PCCB: variants seen among roughly 807,000 people sequenced by gnomAD.
The protein encoded by PCCB is propionyl-CoA carboxylase subunit beta.
In PCCB, 43 loss-of-function variants were observed where a neutral mutation model predicts 60.7. That is an observed-to-expected ratio of 0.71 (90% CI 0.55 to 0.91). The LOEUF (loss-of-function observed/expected upper bound fraction) is 0.91. Ranked by LOEUF, PCCB falls within the 40% of genes least tolerant of loss-of-function variation. The probability of loss-of-function intolerance (pLI) is 0.00; values close to 1 mark genes in which losing one functional copy is unlikely to be tolerated. For missense variants in PCCB, 766 were observed against 702.8 expected (o/e 1.09, Z -1.02); for synonymous variants, 276 against 255.9 (o/e 1.08, Z -0.75).
At chr3:136,326,442 C>G (rs1935313379) in intron 10 of PCCB, 1 of 701,110 alleles carries the variant, frequency 1.4e-6, no homozygotes, top group African/African-American at 1.7e-5. Flanking sequence ...TTGCCATCAT[C>G]AGTGGAGCCA....
intron 5 of PCCB, among the ~76,000 whole-genome samples, chr3:136,264,604 T>G (rs1204396501): frequency 6.6e-6 from 1 of 151,942 alleles, no homozygotes; most frequent in African/African-American, 2.4e-5. Flanking sequence ...CCAGGTGTGG[T>G]GGCTCACACC....
chr3:136,293,963 G>A, intron 7 of PCCB, 99 bp downstream of exon 7: 1 of 757,056 alleles, frequency 1.3e-6, no homozygotes, highest in Non-Finnish European at 2.4e-6. Flanking sequence ...TACTTAATTG[G>A]CAGACCTTAT....
At position 136,261,933 on chromosome 3, in the gene PCCB, G is replaced by T. The variant is rs1941838926; in HGVS notation, c.430-19G>T. 1 of 1,459,194 alleles carries T rather than the reference G, an allele frequency of 6.9e-7. No individual in the cohort carries two copies. The highest frequency in any genetic ancestry group is 1.2e-5 in the South Asian group (1 of 82,276). 90.4% of individuals were successfully genotyped at this position (1,459,194 alleles called of 1,614,324 possible). ...ATCAAGAACATTTGTCTCAATAAAA[G>T]ATTTCTCTGCTGTCTCAGATCATGG... On this transcript the variant is annotated intron_variant, in intron 4 of 14. Transcript: ENST00000251654.
Position 136,264,011 on chromosome 3 carries a change from CAA to C in PCCB, c.543+1961_543+1962del, listed in dbSNP as rs3884120. ...TGGGTGACAGAGCAAGACTCTGTCT[CAA>C]AAAAAAAAAAAAAATTCAAACTTCA... On this transcript the variant is annotated intron_variant, in intron 5 of 14. Coordinates refer to ENST00000251654, the MANE Select transcript of PCCB (RefSeq NM_000532.5). Among the ~76,000 whole-genome samples the C allele has an allele frequency of 3.5e-3, 374 of 107,464 alleles. 3 individuals are homozygous for C. Among genetic ancestry groups the C allele is most frequent in the African/African-American group, 0.01 (347 of 33,630 alleles). 70.5% of individuals were successfully genotyped at this position (107,464 alleles called of 152,430 possible).
At chr3:136,317,212 ATTTTTTTTTTT>A (rs397694948) in intron 10 of PCCB, 148 bp downstream of exon 10, 135 of 259,530 alleles carry the variant, frequency 5.2e-4, no homozygotes, top group East Asian at 1.3e-3. Flanking sequence ...ATAAAAGCTA[ATTTTTTTTTTT>A]TTTTTTTTTT....
intron 5 of PCCB, among the ~76,000 whole-genome samples, chr3:136,268,099 T>TATATATATAG (rs1942074397): frequency 8.8e-6 from 1 of 113,660 alleles, no homozygotes; most frequent in African/African-American, 3.7e-5. Context: ...TATATATATA[T>TATATATATAG]ATATATATAT....
chr3:136,262,201 C>T (rs946209279), intron 5 of PCCB, 136 bp downstream of exon 5: 1 of 699,334 alleles, frequency 1.4e-6, no homozygotes, highest in Non-Finnish European at 2.6e-6. Context: ...TTCTGTGTCA[C>T]TGGGGGTGGG....
At chr3:136,261,923 C>G in intron 4 of PCCB, 29 bp from the exon 5 acceptor site, 1 of 1,388,794 alleles carries the variant, frequency 7.2e-7, no homozygotes, top group Non-Finnish European at 1.0e-6. Flanking sequence ...GAACATTTGT[C>G]TCAATAAAAG....
intron 1 of PCCB, among the ~76,000 whole-genome samples, chr3:136,254,037 G>A (rs1486381527): frequency 6.6e-6 from 1 of 151,984 alleles, no homozygotes; most frequent in Non-Finnish European, 1.5e-5. Context: ...GTATAGGATT[G>A]CCTGATTTTT....
rs369008952 is a variant in PCCB, at chr3:136,251,232, G to A, written c.183+674G>A. The A allele has an allele frequency of 5.5e-5, 25 of 456,692 alleles. No individual in the cohort carries two copies. The East Asian group carries it at 8.3e-4, about 15-fold the overall frequency. The allele number at this position is 456,692 out of a possible 1,614,324, so 28.3% of individuals were successfully genotyped here. A position where few individuals can be genotyped will look rare whatever the true frequency, so the allele number is the denominator to read the frequency against. On this transcript the variant is annotated intron_variant, in intron 1 of 14. Transcript: ENST00000251654. ...TTGAAACACTGCCACCCACCGCCTG[G>A]GTTTTGAGGCGAGAATCCAGCTGGC...
chr3:136,299,985 T>C (rs1204396559), intron 8 of PCCB, among the ~76,000 whole-genome samples: 1 of 151,874 alleles, frequency 6.6e-6, no homozygotes, highest in East Asian at 1.9e-4. Context: ...CACACATGCA[T>C]GTGTATATAT....
intron 10 of PCCB, among the ~76,000 whole-genome samples, chr3:136,324,490 CAG>C (rs760268163): frequency 3.3e-5 from 5 of 152,170 alleles, no homozygotes; most frequent in Admixed American, 6.5e-5. Context: ...TTTCCCCTCT[CAG>C]ATCTTTTCTG....
At chr3:136,300,218 C>G (rs1258997086) in intron 8 of PCCB, among the ~76,000 whole-genome samples, 1 of 152,018 alleles carries the variant, frequency 6.6e-6, no homozygotes, top group East Asian at 1.9e-4. Flanking sequence ...ACTTTATTAG[C>G]AGATGGGGCT....
intron 1 of PCCB, among the ~76,000 whole-genome samples, chr3:136,253,093 T>TG (rs1223673609): frequency 3.6e-5 from 5 of 140,720 alleles, no homozygotes; most frequent in Non-Finnish European, 4.6e-5. Context: ...TTTTTTTTTT[T>TG]TTTTTTTTTT....
At chr3:136,264,457 T>C (rs753351144) in intron 5 of PCCB, among the ~76,000 whole-genome samples, 3 of 148,424 alleles carry the variant, frequency 2.0e-5, no homozygotes, top group African/African-American at 4.9e-5. Flanking sequence ...TGTATATATA[T>C]ATATGTTCCT....
At chr3:136,271,723 T>C (rs1942207242) in intron 5 of PCCB, among the ~76,000 whole-genome samples, 2 of 152,254 alleles carry the variant, frequency 1.3e-5, no homozygotes, top group Admixed American at 6.5e-5. Flanking sequence ...CCTAAGACTT[T>C]ACTGAATTCC....
Position 136,260,442 on chromosome 3 carries a change from A to G in PCCB, c.373-37A>G, listed in dbSNP as rs181906583. On this transcript the variant is annotated intron_variant, in intron 3 of 14. Coordinates refer to ENST00000251654, the MANE Select transcript of PCCB (RefSeq NM_000532.5). ...ACTGGGTTTTCATCTCTAGCCAGTCACTATATTTGACTTGCTGATTTGTAT... is the reference window on the plus strand; with the variant it reads ...ACTGGGTTTTCATCTCTAGCCAGTCGCTATATTTGACTTGCTGATTTGTAT... 15 of 1,552,032 alleles carry G rather than the reference A, an allele frequency of 9.7e-6. No homozygotes were observed. In the African/African-American group the frequency reaches 1.9e-4, roughly 20 times the overall value.
chr3:136,275,761 T>G (rs1576320337), intron 5 of PCCB, among the ~76,000 whole-genome samples: 1 of 151,918 alleles, frequency 6.6e-6, no homozygotes, highest in Non-Finnish European at 1.5e-5. Flanking sequence ...GCTGGTTGTA[T>G]TTATTTATTT....
intron 6 of PCCB, 95 bp downstream of exon 6, chr3:136,284,042 C>T: frequency 1.2e-6 from 1 of 803,744 alleles, no homozygotes; most frequent in East Asian, 2.5e-5. Flanking sequence ...TAGGTTGTTA[C>T]CTGCATTCTC....
Sources: allele counts gnomAD v4.1 joint callset (sites outside exome capture counted in the v4.1 genomes callset), GRCh38; gene constraint gnomAD v4.1.1; transcripts MANE v1.5; gene names NCBI Gene and HGNC (gene_info 2026-07-23, HGNC 2026-07-21).